Variants in BHLHE40 observed in about 807,000 individuals in gnomAD.
The protein encoded by BHLHE40 is class E basic helix-loop-helix protein 40.
Under a neutral mutation model 35.7 loss-of-function variants are expected in BHLHE40, and 3 were observed. The observed-to-expected ratio is 0.08, with a 90% CI of 0.04 to 0.22. The LOEUF (loss-of-function observed/expected upper bound fraction) is 0.22. Among genes scored for constraint, BHLHE40 ranks in the 10% least tolerant of loss-of-function variants. The probability of loss-of-function intolerance (pLI) is 1.00; values close to 1 mark genes in which losing one functional copy is unlikely to be tolerated. For synonymous variants in BHLHE40, 236 were observed against 213.0 expected, an observed-to-expected ratio of 1.11 and a Z score of -0.94; for missense variants, 486 against 524.0, an observed-to-expected ratio of 0.93 and a Z score of 0.71.
intron 2 of BHLHE40, 101 bp from the exon 3 acceptor site, chr3:4,980,192 GTGCTACTC>G (rs986838843): frequency 4.2e-5 from 49 of 1,158,748 alleles, no homozygotes; most frequent in Admixed American, 1.3e-4. Flanking sequence ...ATGGTTCTGG[GTGCTACTC>G]TGCTACTCTG....
At chr3:4,979,932 C>G (rs755121645) in intron 1 of BHLHE40, 30 bp from the exon 2 acceptor site, 1 of 1,613,314 alleles carries the variant, frequency 6.2e-7, no homozygotes, top group South Asian at 1.1e-5. Context: ...CGCAAGCAGT[C>G]ACGACCCTTC....
chr3:4,983,691 A>G lies in BHLHE40; in HGVS notation c.1238A>G (p.Ter413=), dbSNP rs771312600. ...IPPLNLETKD[*] ...CCTTTAAACTTAGAAACCAAAGACT[A>G]AACTCTCTAGGGGATCCTGCTGCTT... Residue 413 remains the stop codon, a stop_retained_variant, in exon 5 of 5, where the codon TAA becomes TGA. Transcript: ENST00000256495. The surrounding 1 kb of genome is among the most constrained non-coding windows in gnomAD (Gnocchi z 5.0). 1.9e-6 allele frequency: 3 copies of G among 1,601,982 alleles called. No homozygotes were observed. In the South Asian group the frequency reaches 3.3e-5, roughly 18 times the overall value.
rs148401238 is a variant in BHLHE40, at chr3:4,982,896, C to T, written c.443C>T (p.Thr148Ile). The change falls in exon 5 of 5, where the codon ACA becomes ATA. Residue 148 changes from threonine (T) to isoleucine (I), a missense_variant. By Grantham distance (89) the Thr-to-Ile change is moderately conservative (BLOSUM62 -1). This residue lies in a region of BHLHE40 where 176 missense variants were observed against 180.5 expected (regional missense o/e 0.98). Coordinates refer to ENST00000256495, the MANE Select transcript of BHLHE40 (RefSeq NM_003670.3). ...GQEMFCSGFQ[T>I]CAREVLQYLA... ...GAGATGTTCTGCTCAGGTTTCCAGA[C>T]ATGTGCCCGGGAGGTGCTTCAGTAT... is the stretch of plus-strand genomic sequence containing the variant. The T allele has an allele frequency of 3.1e-6, 5 of 1,614,156 alleles. No homozygotes were observed. The highest frequency in any genetic ancestry group is 4.2e-6 in the Non-Finnish European group (5 of 1,180,024).
chr3:4,984,725 A>G lies in BHLHE40; in HGVS notation c.*1033A>G, dbSNP rs1298494388. ...CGGCATATGGAGTGTCCTTATTGCT[A>G]AAAAGGATTCCGTCTCCTTCAAAGA... On this transcript the variant is annotated 3_prime_UTR_variant, in exon 5 of 5. Transcript: ENST00000256495. 2 of 152,684 alleles carry G rather than the reference A, an allele frequency of 1.3e-5. No individual in the cohort carries two copies. The highest frequency in any genetic ancestry group is 2.9e-5 in the Non-Finnish European group (2 of 68,046). The allele number at this position is 152,684 out of a possible 1,614,324, so 9.5% of individuals were successfully genotyped here.
At chr3:4,981,562 A>C (rs1470232159) in intron 4 of BHLHE40, 47 bp downstream of exon 4, 12 of 1,599,078 alleles carry the variant, frequency 7.5e-6, no homozygotes, top group Non-Finnish European at 1.7e-6. Flanking sequence ...TTGAGTGCAA[A>C]TAGAGAGCCC....
rs1156685813 is a variant in BHLHE40, at chr3:4,983,529, C to T, written c.1076C>T (p.Ala359Val). The change falls in exon 5 of 5, where the codon GCC becomes GTC. Residue 359 changes from alanine to valine, a missense_variant. This residue lies in a region of BHLHE40 where 206 missense variants were observed against 208.9 expected (regional missense o/e 0.99). Coordinates refer to ENST00000256495, the MANE Select transcript of BHLHE40 (RefSeq NM_003670.3). This position sits in a 1 kb window ranked among gnomAD's most constrained non-coding sequence, Gnocchi z 5.0. ...CTATACCCAGGCCTCAACGCCTCTG[C>T]CGCAGCCCTCTCTAGCTTCATGAAC... Reference protein sequence around the residue: ...PVLYPGLNASAAALSSFMNPD... With the variant: ...PVLYPGLNASVAALSSFMNPD... 2 of 1,614,190 alleles carry T rather than the reference C, an allele frequency of 1.2e-6. No homozygotes were observed. Among genetic ancestry groups the T allele is most frequent in the Non-Finnish European group, 1.7e-6 (2 of 1,180,050 alleles).
chr3:4,979,958 G>A lies in BHLHE40; in HGVS notation c.81-4G>A. On this transcript the variant is annotated splice_region_variant and splice_polypyrimidine_tract_variant and intron_variant, in intron 1 of 4. Transcript: ENST00000256495. The stretch of plus-strand genomic sequence containing the variant: ...ACGACCCTTCCTGGTCTCTCTTCCT[G>A]CAGGATGTACCCTGCCCACATGTAC... The A allele has an allele frequency of 6.2e-7, 1 of 1,614,154 alleles. No individual in the cohort carries two copies. Among genetic ancestry groups the A allele is most frequent in the African/African-American group, 1.3e-5 (1 of 75,050 alleles).
rs2053222856 is a variant in BHLHE40 at position 4,983,811 on chromosome 3, C to T, written c.*119C>T. 2.3e-6 allele frequency: 3 copies of T among 1,290,888 alleles called. No homozygotes were observed. Among genetic ancestry groups the T allele is most frequent in the Admixed American group, 2.4e-5 (1 of 42,488 alleles). The allele number at this position is 1,290,888 out of a possible 1,614,324, so 80.0% of individuals were successfully genotyped here. ...TTGTGTATACTGAGATAATCTGAGG[C>T]ATGGAGAGCAGATTCAGGGTGTGTG... On this transcript the variant is annotated 3_prime_UTR_variant, in exon 5 of 5. Coordinates refer to ENST00000256495, the MANE Select transcript of BHLHE40 (RefSeq NM_003670.3). This position sits in a 1 kb window ranked among gnomAD's most constrained non-coding sequence, Gnocchi z 5.0.
intron 4 of BHLHE40, among the ~76,000 whole-genome samples, chr3:4,982,162 C>T (rs997944273): frequency 6.6e-6 from 1 of 152,192 alleles, no homozygotes; most frequent in African/African-American, 2.4e-5. Flanking sequence ...TCATTTCATG[C>T]TTGTCTGCCT....
rs575102567 is a variant in BHLHE40, at chr3:4,980,610, T to C, written c.258+202T>C. Among the ~76,000 whole-genome samples the C allele has an allele frequency of 2.0e-5, 3 of 152,274 alleles. No individual in the cohort carries two copies. The East Asian group carries it at 5.8e-4, about 29-fold the overall frequency. ...AAATGAGGCGAGAACCACTTGGACC[T>C]CTCCAAGTTGGCTCCAACACCAACT... On this transcript the variant is annotated intron_variant, in intron 3 of 4. Transcript: ENST00000256495.
Position 4,981,626 on chromosome 3 carries a change from G to A in BHLHE40, c.382+111G>A, listed in dbSNP as rs1050306629. 3.2e-5 allele frequency: 44 copies of A among 1,359,932 alleles called. No homozygotes were observed. The Middle Eastern group carries it at 1.0e-3, about 31-fold the overall frequency. The allele number at this position is 1,359,932 out of a possible 1,614,324, so 84.2% of individuals were successfully genotyped here. A position where few individuals can be genotyped will look rare whatever the true frequency, so the allele number is the denominator to read the frequency against. ...TTACTGCAACAAATTGCTTATGCAC[G>A]TTCATTGGGGGAGATGCAGTTTTAT... On this transcript the variant is annotated intron_variant, in intron 4 of 4. Coordinates refer to ENST00000256495, the MANE Select transcript of BHLHE40 (RefSeq NM_003670.3).
intron 3 of BHLHE40, among the ~76,000 whole-genome samples, chr3:4,981,152 ATTAT>A (rs1466134692): frequency 3.5e-5 from 5 of 144,426 alleles, no homozygotes; most frequent in Admixed American, 7.1e-5. Context: ...GTTTTTTTAA[ATTAT>A]TTAATTATAT....
In BHLHE40 at chr3:4,982,933, C is replaced by T. The variant is rs368425219; in HGVS notation, c.480C>T (p.His160=). The T allele has an allele frequency of 4.0e-5, 64 of 1,614,106 alleles. 2 individuals are homozygous for T. The South Asian group carries it at 4.6e-4, about 12-fold the overall frequency. Residue 160 remains histidine (H), a synonymous_variant, in exon 5 of 5, where the codon CAC becomes CAT. Transcript: ENST00000256495. ...AGGTGCTTCAGTATCTGGCCAAGCA[C>T]GAGAACACTCGGGACCTGAAGTCTT... The part of the protein sequence containing the change: ...AREVLQYLAK[H]ENTRDLKSSQ...
intron 3 of BHLHE40, among the ~76,000 whole-genome samples, chr3:4,981,173 ATT>A (rs2053191491): frequency 2.4e-5 from 2 of 82,904 alleles, no homozygotes; most frequent in Non-Finnish European, 4.4e-5. Context: ...ATATATATAT[ATT>A]ATATATATAT....
intron 4 of BHLHE40, among the ~76,000 whole-genome samples, 198 bp from the exon 5 acceptor site, chr3:4,982,638 G>A (rs937152689): frequency 1.3e-5 from 2 of 152,094 alleles, no homozygotes; most frequent in Admixed American, 6.5e-5. Context: ...CTGAGTGTTA[G>A]TATATGGATT....
In BHLHE40 at chr3:4,980,047, C is replaced by T. The variant is rs762718469; in HGVS notation, c.150+16C>T. ...GGACAGCAAGGTAAGCAAGTGCACC[C>T]CTAGGGACCCTGCGCTCAGCCCCTC... On this transcript the variant is annotated intron_variant, in intron 2 of 4. Transcript: ENST00000256495. 1.2e-6 allele frequency: 2 copies of T among 1,613,210 alleles called. No homozygotes were observed. Among genetic ancestry groups the T allele is most frequent in the South Asian group, 1.1e-5 (1 of 91,058 alleles).
chr3:4,979,885 C>T (rs755254946), intron 1 of BHLHE40, 77 bp from the exon 2 acceptor site: 35 of 1,607,744 alleles, frequency 2.2e-5, no homozygotes, highest in South Asian at 2.0e-4. Context: ...CCGGGCGCAC[C>T]GGGAGGTTCT....
chr3:4,980,468 C>G, intron 3 of BHLHE40, 60 bp downstream of exon 3: 1 of 1,440,858 alleles, frequency 6.9e-7, no homozygotes, highest in Non-Finnish European at 9.7e-7. Flanking sequence ...GGGCGGGTCA[C>G]TCGCCGCCTG....
chr3:4,985,051 G>T lies in BHLHE40; in HGVS notation c.*1359G>T, dbSNP rs1156786808. 1 of 152,338 alleles carries T rather than the reference G, an allele frequency of 6.6e-6. No homozygotes were observed. Among genetic ancestry groups the T allele is most frequent in the East Asian group, 1.9e-4 (1 of 5,196 alleles). 9.4% of individuals were successfully genotyped at this position (152,338 alleles called of 1,614,324 possible). A position where few individuals can be genotyped will look rare whatever the true frequency, so the allele number is the denominator to read the frequency against. On this transcript the variant is annotated 3_prime_UTR_variant, in exon 5 of 5. Transcript: ENST00000256495. ...AAGAATAATTTTTTTTTTCTCTAGG[G>T]AGAGGTACAGTGTTTATATTTTGGA...
Sources: gnomAD v4.1 joint callset for allele counts (sites outside exome capture counted in the v4.1 genomes callset) on GRCh38, gnomAD v4.1.1 for gene constraint, gnomAD v4.1.1 regional missense constraint, Gnocchi (gnomAD v3.1) non-coding constraint, MANE v1.5 for transcripts, NCBI Gene and HGNC (gene_info 2026-07-23, HGNC 2026-07-21) for gene names.